The following EPHA5 variants were observed in gnomAD, a reference collection of about 807,000 sequenced individuals.
EPHA5 encodes the protein EPH receptor A5.
In EPHA5, 60 loss-of-function variants were observed where a neutral mutation model predicts 105.0. The observed-to-expected ratio is 0.57, with a 90% CI of 0.46 to 0.71. The LOEUF is 0.71. Ranked by LOEUF, EPHA5 falls within the 30% of genes least tolerant of loss-of-function variation. The pLI, the probability that EPHA5 is intolerant of heterozygous loss-of-function variation, is 0.00. For synonymous variants in EPHA5, 513 were observed against 449.1 expected, an observed-to-expected ratio of 1.14 and a Z score of -1.80; for missense variants, 1,218 against 1,274.7, an observed-to-expected ratio of 0.96 and a Z score of 0.68.
intron 8 of EPHA5, among the ~76,000 whole-genome samples, chr4:65,389,830 A>C (rs564535935): frequency 2.0e-5 from 3 of 152,062 alleles, no homozygotes; most frequent in African/African-American, 7.2e-5. Flanking sequence ...CTAAAGAGGA[A>C]TTACAAAGTT....
intron 5 of EPHA5, among the ~76,000 whole-genome samples, 188 bp downstream of exon 5, chr4:65,490,189 G>T (rs1731263290): frequency 6.6e-6 from 1 of 152,134 alleles, no homozygotes; most frequent in African/African-American, 2.4e-5. Flanking sequence ...AAATGGGATT[G>T]CTAACAAAGC....
At chr4:65,451,125 GA>G (rs1282052651) in intron 5 of EPHA5, among the ~76,000 whole-genome samples, 5 of 152,126 alleles carry the variant, frequency 3.3e-5, no homozygotes, top group African/African-American at 1.2e-4. Flanking sequence ...CTGCCTCACA[GA>G]ACAGGTGGCT....
chr4:65,445,582 T>C (rs1044609646), intron 5 of EPHA5, among the ~76,000 whole-genome samples: 7 of 152,168 alleles, frequency 4.6e-5, no homozygotes, highest in Non-Finnish European at 8.8e-5. Context: ...AATATCTGTG[T>C]ACTCCAGCCT....
intron 10 of EPHA5, 133 bp downstream of exon 10, chr4:65,365,799 C>A: frequency 2.5e-6 from 2 of 800,606 alleles, no homozygotes; most frequent in Non-Finnish European, 3.7e-6. Flanking sequence ...AAAATGTGAT[C>A]AGTTACATAT....
chr4:65,669,821 A>C lies in EPHA5; in HGVS notation c.-79T>G, dbSNP rs2149573081. ...CGGCCTCGCAGAGCGGCGAAGGGAG[A>C]CTCGGGAGTCCTCCTTGTCCCCCCT... On this transcript the variant is annotated 5_prime_UTR_variant, in exon 1 of 17. Transcript: ENST00000613740. 1 of 1,233,424 alleles carries C rather than the reference A, an allele frequency of 8.1e-7. No homozygotes were observed. The allele number at this position is 1,233,424 out of a possible 1,614,324, so 76.4% of individuals were successfully genotyped here. A position where few individuals can be genotyped will look rare whatever the true frequency, so the allele number is the denominator to read the frequency against.
chr4:65,412,309 A>G (rs1335559231), intron 7 of EPHA5, among the ~76,000 whole-genome samples: 1 of 152,198 alleles, frequency 6.6e-6, no homozygotes, highest in East Asian at 1.9e-4. Context: ...TAAACACAGT[A>G]TATTCCTTTT....
At chr4:65,568,338 C>T (rs1467488973) in intron 3 of EPHA5, among the ~76,000 whole-genome samples, 2 of 151,336 alleles carry the variant, frequency 1.3e-5, no homozygotes, top group Admixed American at 6.6e-5. Context: ...TTCTATCTCT[C>T]AAAATATTGT....
At chr4:65,329,093 T>C (rs1171313418) in intron 16 of EPHA5, among the ~76,000 whole-genome samples, 1 of 151,262 alleles carries the variant, frequency 6.6e-6, no homozygotes, top group Admixed American at 6.6e-5. Context: ...TGTGATTCTG[T>C]CCTTAACTGA....
chr4:65,616,915 T>G (rs1042283082), intron 2 of EPHA5, among the ~76,000 whole-genome samples: 2 of 152,102 alleles, frequency 1.3e-5, no homozygotes, highest in African/African-American at 4.8e-5. Context: ...TTGCAAGATA[T>G]TAAGTTGAAA....
chr4:65,468,137 T>C (rs1391164059), intron 5 of EPHA5, among the ~76,000 whole-genome samples: 2 of 152,160 alleles, frequency 1.3e-5, no homozygotes, highest in Non-Finnish European at 2.9e-5. Flanking sequence ...ACAGCAGCCA[T>C]AGGGAATAAA....
chr4:65,589,496 G>A (rs1268356068), intron 3 of EPHA5, among the ~76,000 whole-genome samples: 1 of 152,100 alleles, frequency 6.6e-6, no homozygotes, highest in Admixed American at 6.6e-5. Context: ...AAAACAAGGA[G>A]TCTTCACTGT....
intron 1 of EPHA5, among the ~76,000 whole-genome samples, chr4:65,656,976 A>G (rs776669968): frequency 6.6e-5 from 10 of 150,710 alleles, no homozygotes; most frequent in Admixed American, 1.3e-4. Flanking sequence ...CTGGAGAAAT[A>G]GTTCATTTAA....
intron 3 of EPHA5, among the ~76,000 whole-genome samples, chr4:65,598,487 C>A (rs1400827016): frequency 6.6e-6 from 1 of 152,134 alleles, no homozygotes; most frequent in Admixed American, 6.5e-5. Context: ...ACTTCTTTCT[C>A]ATCCCTTAAG....
intron 1 of EPHA5, among the ~76,000 whole-genome samples, chr4:65,651,055 G>A (rs1306289749): frequency 1.3e-5 from 2 of 152,122 alleles, no homozygotes; most frequent in Admixed American, 6.5e-5. Flanking sequence ...TCTGTGAAGG[G>A]GATCTGCAAA....
chr4:65,399,353 C>T (rs1358687719), intron 8 of EPHA5, among the ~76,000 whole-genome samples: 2 of 152,216 alleles, frequency 1.3e-5, no homozygotes. Flanking sequence ...CCCCTCACTG[C>T]TCCATGCCTG....
intron 3 of EPHA5, among the ~76,000 whole-genome samples, chr4:65,574,633 TATATATACAC>T (rs1740632058): frequency 4.8e-5 from 6 of 124,272 alleles, no homozygotes; most frequent in South Asian, 5.2e-4. Context: ...TATACACATA[TATATATACAC>T]ATATATATAC....
At chr4:65,457,924 G>T (rs1257507445) in intron 5 of EPHA5, among the ~76,000 whole-genome samples, 2 of 151,534 alleles carry the variant, frequency 1.3e-5, no homozygotes, top group Non-Finnish European at 2.9e-5. Flanking sequence ...AATTCAAAAA[G>T]TTAGCCGGAC....
intron 13 of EPHA5, among the ~76,000 whole-genome samples, chr4:65,348,564 G>A (rs1323568572): frequency 2.0e-5 from 3 of 149,472 alleles, no homozygotes; most frequent in African/African-American, 7.4e-5. Flanking sequence ...TGGGTGCTTC[G>A]TTTCTTTAAT....
At chr4:65,653,746 A>G (rs1361873313) in intron 1 of EPHA5, among the ~76,000 whole-genome samples, 2 of 152,124 alleles carry the variant, frequency 1.3e-5, no homozygotes, top group African/African-American at 2.4e-5. Flanking sequence ...AAAAGAAATA[A>G]TGTAAAATAA....
Sources: gnomAD v4.1 joint callset for allele counts (sites outside exome capture counted in the v4.1 genomes callset) on GRCh38, gnomAD v4.1.1 for gene constraint, MANE v1.5 for transcripts, NCBI Gene and HGNC (gene_info 2026-07-23, HGNC 2026-07-21) for gene names.